The following ITPR3 variants were observed in gnomAD, a reference collection of about 807,000 sequenced individuals.
The protein encoded by ITPR3 is inositol 1,4,5-trisphosphate-gated calcium channel ITPR3.
Under a neutral mutation model 293.2 loss-of-function variants are expected in ITPR3, and 173 were observed. The ratio of observed to expected loss-of-function variants is 0.59; its 90% confidence interval spans 0.52 to 0.67. The LOEUF is 0.67. Among genes scored for constraint, ITPR3 ranks in the 30% least tolerant of loss-of-function variants. The pLI is 0.00. For missense variants in ITPR3, 2,796 were observed against 3,592.1 expected (o/e 0.78, Z 5.66); for synonymous variants, 1,295 against 1,444.4 (o/e 0.90, Z 2.35).
chr6:33,630,484 C>T (rs1012764069), intron 1 of ITPR3, among the ~76,000 whole-genome samples: 4 of 152,282 alleles, frequency 2.6e-5, no homozygotes, highest in Admixed American at 6.5e-5. Context: ...GGCTGGCGGC[C>T]CATGGTTGCA....
Position 33,684,235 on chromosome 6 carries a change from G to T in ITPR3, c.4937+67G>T. 1 of 1,600,150 alleles carries T rather than the reference G, an allele frequency of 6.2e-7. No individual in the cohort carries two copies. On this transcript the variant is annotated intron_variant, in intron 36 of 57. Coordinates refer to ENST00000605930, the MANE Select transcript of ITPR3 (RefSeq NM_002224.4). This position sits in a 1 kb window ranked among gnomAD's most constrained non-coding sequence, Gnocchi z 4.2. Reference sequence around the variant, plus strand: ...GGCAGGGGACAGAGAAGGGCCCGGTGGGGACTAGACAGGCTCACTGGGTCA... The same window carrying T: ...GGCAGGGGACAGAGAAGGGCCCGGTTGGGACTAGACAGGCTCACTGGGTCA...
chr6:33,683,127 G>A lies in ITPR3; in HGVS notation c.4598-80G>A. ...GGTCTAGTTCACTCTGTCTCCTGGT[G>A]TGGCAGCCCTGAGCCTGGCCTCTGG... On this transcript the variant is annotated intron_variant, in intron 34 of 57. Coordinates refer to ENST00000605930, the MANE Select transcript of ITPR3 (RefSeq NM_002224.4). The surrounding 1 kb of genome is among the most constrained non-coding windows in gnomAD (Gnocchi z 4.5). The A allele has an allele frequency of 9.2e-7, 1 of 1,091,802 alleles. No individual in the cohort carries two copies. The highest frequency in any genetic ancestry group is 1.3e-6 in the Non-Finnish European group (1 of 786,520). 67.6% of individuals were successfully genotyped at this position (1,091,802 alleles called of 1,614,324 possible).
At chr6:33,693,167 G>A (rs1264554220) in intron 55 of ITPR3, among the ~76,000 whole-genome samples, 1 of 152,224 alleles carries the variant, frequency 6.6e-6, no homozygotes, top group Non-Finnish European at 1.5e-5. Flanking sequence ...TCTCAGTCCA[G>A]TGCTTTTCCT....
chr6:33,687,383 C>T lies in ITPR3; in HGVS notation c.6177+56C>T, dbSNP rs1765261549. On this transcript the variant is annotated intron_variant, in intron 45 of 57. Transcript: ENST00000605930. The surrounding 1 kb of genome is among the most constrained non-coding windows in gnomAD (Gnocchi z 5.3). ...ACCCCCCTGGCCACCATACCCCGCC[C>T]CAGCTGCCATCATCCCCCAGTCGCC... 6.7e-7 allele frequency: 1 copy of T among 1,494,520 alleles called. No homozygotes were observed. 92.6% of individuals were successfully genotyped at this position (1,494,520 alleles called of 1,614,324 possible).
intron 17 of ITPR3, 37 bp downstream of exon 17, chr6:33,668,671 C>A (rs367544617): frequency 6.8e-6 from 11 of 1,613,322 alleles, no homozygotes; most frequent in Non-Finnish European, 8.5e-6. Context: ...TTGGGCTCCA[C>A]GCTGCTGACC....
rs572176174 is a variant in ITPR3 at position 33,669,360 on chromosome 6, A to G, written c.2189+204A>G. Among the ~76,000 whole-genome samples the G allele has an allele frequency of 7.9e-5, 12 of 152,374 alleles. 1 individual carries two copies. The East Asian group carries it at 2.3e-3, about 29-fold the overall frequency. On this transcript the variant is annotated intron_variant, in intron 18 of 57. Coordinates refer to ENST00000605930, the MANE Select transcript of ITPR3 (RefSeq NM_002224.4). Reference sequence around the variant, plus strand: ...GTGAAGAGGACTGTGTGCCCCGAATAGCACTGGGTGGCTCGGCACAGGAAC... The same window carrying G: ...GTGAAGAGGACTGTGTGCCCCGAATGGCACTGGGTGGCTCGGCACAGGAAC...
rs1237611381 is a variant in ITPR3, at chr6:33,687,513, G to T, written c.6213G>T (p.Leu2071=). ...ACAATAAACAGCTGCAGCACCTGCT[G>T]AAGCCGGTGAAGCGCATTCAAGAGG... ...SRHNKQLQHL[L]KPVKRIQEEE... Residue 2071 remains leucine (L), a synonymous_variant, in exon 46 of 58, where the codon CTG becomes CTT. Transcript: ENST00000605930. This position sits in a 1 kb window ranked among gnomAD's most constrained non-coding sequence, Gnocchi z 5.3. The T allele has an allele frequency of 1.2e-6, 2 of 1,610,852 alleles. No individual in the cohort carries two copies. Among genetic ancestry groups the T allele is most frequent in the South Asian group, 2.2e-5 (2 of 90,892 alleles).
At chr6:33,660,665 A>G (rs1407227815) in intron 7 of ITPR3, among the ~76,000 whole-genome samples, 1 of 152,286 alleles carries the variant, frequency 6.6e-6, no homozygotes, top group East Asian at 1.9e-4. Flanking sequence ...GGGGTGGCTC[A>G]TGCCTGTAAT....
rs1321427046 is a variant in ITPR3 at position 33,692,716 on chromosome 6, C to T, written c.7459-12C>T. ...ACCACCGGGCCCAGCCTCCCTGCCTCATCCCCTGCAGGAGTCTCTCTTCCC... is the reference window on the plus strand; with the variant it reads ...ACCACCGGGCCCAGCCTCCCTGCCTTATCCCCTGCAGGAGTCTCTCTTCCC... On this transcript the variant is annotated splice_polypyrimidine_tract_variant and intron_variant, in intron 54 of 57. Transcript: ENST00000605930. This position sits in a 1 kb window ranked among gnomAD's most constrained non-coding sequence, Gnocchi z 4.2. The T allele has an allele frequency of 3.1e-6, 5 of 1,613,442 alleles. No individual in the cohort carries two copies. The highest frequency in any genetic ancestry group is 4.2e-6 in the Non-Finnish European group (5 of 1,179,632).
chr6:33,639,089 G>A (rs909375551), intron 1 of ITPR3, among the ~76,000 whole-genome samples: 3 of 152,158 alleles, frequency 2.0e-5, no homozygotes, highest in African/African-American at 7.2e-5. Flanking sequence ...GATCACAAAA[G>A]ACCTTGTTAG....
intron 1 of ITPR3, among the ~76,000 whole-genome samples, chr6:33,639,315 G>T (rs1763893735): frequency 1.3e-5 from 2 of 149,556 alleles, no homozygotes; most frequent in Non-Finnish European, 2.9e-5. Flanking sequence ...GGGGGCAGAG[G>T]TTGCAGTGAG....
rs1763702655 is a variant in ITPR3, at chr6:33,632,308, TC to T, written c.90-8173del. 1.3e-5 allele frequency among the ~76,000 whole-genome samples: 2 copies of T among 152,158 alleles called. No homozygotes were observed. Among genetic ancestry groups the T allele is most frequent in the Admixed American group, 1.3e-4 (2 of 15,276 alleles). Reference sequence around the variant, plus strand: ...CATTCCCCCAGTCTGTCATTCCCCCTCCCATGGTGCTCTGATGGTGGCCAAG... The same window carrying T: ...CATTCCCCCAGTCTGTCATTCCCCCTCCATGGTGCTCTGATGGTGGCCAAG... On this transcript the variant is annotated intron_variant, in intron 1 of 57. Coordinates refer to ENST00000605930, the MANE Select transcript of ITPR3 (RefSeq NM_002224.4). This position sits in a 1 kb window ranked among gnomAD's most constrained non-coding sequence, Gnocchi z 4.1.
rs911753343 is a variant in ITPR3 at position 33,681,460 on chromosome 6, A to C, written c.4476+780A>C. On this transcript the variant is annotated intron_variant, in intron 33 of 57. Transcript: ENST00000605930. ...GGCCTAAGCAGAAGGGCTCCAGGCC[A>C]GTGTACAGAAGCCTGATTTGAATCT... is the stretch of plus-strand genomic sequence containing the variant. Among the ~76,000 whole-genome samples the C allele has an allele frequency of 7.2e-5, 11 of 152,362 alleles. No individual in the cohort carries two copies. In the South Asian group the frequency reaches 1.4e-3, roughly 20 times the overall value.
chr6:33,666,909 G>C lies in ITPR3; in HGVS notation c.1552-220G>C, dbSNP rs1472431252. On this transcript the variant is annotated intron_variant, in intron 14 of 57. Transcript: ENST00000605930. This position sits in a 1 kb window ranked among gnomAD's most constrained non-coding sequence, Gnocchi z 5.1. ...GGGATTAGAATCCGCATCAGGGAGG[G>C]ATAGGCTGGGGTCAGCTTCGGGATT... Among the ~76,000 whole-genome samples the C allele has an allele frequency of 6.6e-6, 1 of 152,154 alleles. No homozygotes were observed. The highest frequency in any genetic ancestry group is 1.5e-5 in the Non-Finnish European group (1 of 68,024).
At chr6:33,622,761 A>G (rs1411559724) in intron 1 of ITPR3, among the ~76,000 whole-genome samples, 1 of 151,830 alleles carries the variant, frequency 6.6e-6, no homozygotes, top group Non-Finnish European at 1.5e-5. Flanking sequence ...GGCCCGGCTC[A>G]CCCCAAGCCT....
chr6:33,693,830 TCTGA>T, intron 56 of ITPR3, 125 bp downstream of exon 56: 1 of 1,151,112 alleles, frequency 8.7e-7, no homozygotes. Flanking sequence ...AGTGGCCCTA[TCTGA>T]CTGTTGGCCC....
chr6:33,677,390 A>T, intron 27 of ITPR3, 114 bp from the exon 28 acceptor site: 1 of 1,456,678 alleles, frequency 6.9e-7, no homozygotes, highest in Non-Finnish European at 9.4e-7. Context: ...AGCGCCTGTG[A>T]CCTCCTTCCC....
chr6:33,652,607 A>G (rs1395876037), intron 2 of ITPR3, among the ~76,000 whole-genome samples: 1 of 152,016 alleles, frequency 6.6e-6, no homozygotes, highest in Non-Finnish European at 1.5e-5. Flanking sequence ...CTGGGATTAC[A>G]GGTGCGTGCC....
rs1362740643 is a variant in ITPR3, at chr6:33,667,752, C to T, written c.1714-40C>T. The T allele has an allele frequency of 6.2e-7, 1 of 1,610,570 alleles. No homozygotes were observed. Among genetic ancestry groups the T allele is most frequent in the Admixed American group, 1.7e-5 (1 of 59,852 alleles). On this transcript the variant is annotated intron_variant, in intron 15 of 57. Coordinates refer to ENST00000605930, the MANE Select transcript of ITPR3 (RefSeq NM_002224.4). The surrounding 1 kb of genome is among the most constrained non-coding windows in gnomAD (Gnocchi z 4.4). ...GAGCAGAGCTGGGCCCTTGGCCCAC[C>T]TGTGACTCTCTGTGACCCCCAGCCT...
Sources: gnomAD v4.1 joint callset for allele counts (sites outside exome capture counted in the v4.1 genomes callset) on GRCh38, gnomAD v4.1.1 for gene constraint, Gnocchi (gnomAD v3.1) non-coding constraint, MANE v1.5 for transcripts, NCBI Gene and HGNC (gene_info 2026-07-23, HGNC 2026-07-21) for gene names.